The following PDE4DIP variants were observed in gnomAD, a reference collection of about 807,000 sequenced individuals.
PDE4DIP encodes phosphodiesterase 4D interacting protein.
PDE4DIP carries 59 observed loss-of-function variants against 221.4 expected under a neutral mutation model. The ratio of observed to expected loss-of-function variants is 0.27; its 90% CI spans 0.22 to 0.33. The LOEUF (loss-of-function observed/expected upper bound fraction) is 0.33, where lower values mean the gene tolerates loss of function less well. Among genes scored for constraint, PDE4DIP ranks in the 10% least tolerant of loss-of-function variants. PDE4DIP has a pLI of 1.00. For synonymous variants in PDE4DIP, 404 were observed against 815.9 expected (o/e 0.50, Z 8.60); for missense variants, 1,036 against 2,154.2 (o/e 0.48, Z 10.28).
intron 5 of PDE4DIP, chr1:148,953,180 G>A (rs371088224): frequency 5.6e-6 from 9 of 1,613,992 alleles, no homozygotes; most frequent in Non-Finnish European, 6.8e-6. Flanking sequence ...GGAGGACTTC[G>A]CCTATTCAGG....
At chr1:148,951,471 C>A (rs1441112881) in intron 5 of PDE4DIP, among the ~76,000 whole-genome samples, 1 of 152,108 alleles carries the variant, frequency 6.6e-6, no homozygotes, top group East Asian at 1.9e-4. Flanking sequence ...TGGTTTTCAC[C>A]GAAGTCAGTG....
At chr1:148,952,020 C>T (rs2053465389) in intron 5 of PDE4DIP, 8 of 1,001,682 alleles carry the variant, frequency 8.0e-6, no homozygotes, top group Non-Finnish European at 8.4e-6. Flanking sequence ...AGCGGCGCTG[C>T]CCCGCTGGCA....
chr1:149,013,059 TG>T (rs1306799646), intron 32 of PDE4DIP, among the ~76,000 whole-genome samples: 29 of 152,308 alleles, frequency 1.9e-4, no homozygotes, highest in African/African-American at 7.0e-4. Flanking sequence ...GCTGAATCCC[TG>T]ACAGACTGGT....
At chr1:148,956,326 T>C (rs587643828) in intron 5 of PDE4DIP, among the ~76,000 whole-genome samples, 1 of 152,190 alleles carries the variant, frequency 6.6e-6, no homozygotes, top group South Asian at 2.1e-4. Context: ...TTTTATGCAC[T>C]ATTAAATATT....
rs782587995 is a variant in PDE4DIP, at chr1:149,028,679, C to T, written c.6789C>T (p.His2263=). The T allele has an allele frequency of 3.1e-6, 5 of 1,597,914 alleles. No homozygotes were observed. In the Admixed American group the frequency reaches 5.0e-5, roughly 16 times the overall value. Reference sequence around the variant, plus strand: ...GGAGAGCGGCCCTGCCAAGCACCCACATCCCTGTGCTGCCTGGCAAAGTGG... The same window carrying T: ...GGAGAGCGGCCCTGCCAAGCACCCATATCCCTGTGCTGCCTGGCAAAGTGG... Residue 2263 remains histidine, a synonymous_variant, in exon 41 of 44, where the codon CAC becomes CAT. Transcript: ENST00000369354.
intron 4 of PDE4DIP, among the ~76,000 whole-genome samples, chr1:148,933,552 A>T (rs2048534158): frequency 6.6e-6 from 1 of 152,230 alleles, no homozygotes; most frequent in South Asian, 2.1e-4. Flanking sequence ...GTTCTGAAAT[A>T]GATAATTCAA....
In PDE4DIP at chr1:149,030,317, G is replaced by T. The variant is rs782326459; in HGVS notation, c.6999+39G>T. 9 of 1,551,356 alleles carry T rather than the reference G, an allele frequency of 5.8e-6. No individual in the cohort carries two copies. The South Asian group carries it at 9.5e-5, about 16-fold the overall frequency. Reference sequence around the variant, plus strand: ...TGCACCAGTCAGAGGCACCAAGCCTGTCCCCCACCCATCACCATCCGTTAG... The same window carrying T: ...TGCACCAGTCAGAGGCACCAAGCCTTTCCCCCACCCATCACCATCCGTTAG... On this transcript the variant is annotated intron_variant, in intron 43 of 43. Transcript: ENST00000369354.
chr1:148,893,067 G>GTGTC (rs1699280506), intron 1 of PDE4DIP, among the ~76,000 whole-genome samples: 1 of 20,422 alleles, frequency 4.9e-5, no homozygotes, highest in African/African-American at 2.1e-4. Flanking sequence ...GTGTGTGTCT[G>GTGTC]TGTGTGTGTG....
chr1:148,978,042 G>T (rs1410565958), exon 18 of PDE4DIP: 1 of 1,613,294 alleles, frequency 6.2e-7, no homozygotes, highest in Admixed American at 1.7e-5. Context: ...GATTAAAGAA[G>T]ATCTCATAAA....
intron 1 of PDE4DIP, among the ~76,000 whole-genome samples, chr1:148,905,185 T>G (rs1378765128): frequency 4.8e-5 from 7 of 145,934 alleles, no homozygotes; most frequent in African/African-American, 1.5e-4. Context: ...TAGGTTTTTT[T>G]TTTTTTTTTT....
In PDE4DIP at chr1:148,934,998, C is replaced by T. The variant is rs1201375455; in HGVS notation, c.518+2710C>T. On this transcript the variant is annotated intron_variant, in intron 4 of 43. Transcript: ENST00000369354. ...TAGCACTTTGGGAGGCCGAGGCGGG[C>T]GGATCACGAGATTAAGACCATCCTG... 1.5e-4 allele frequency among the ~76,000 whole-genome samples: 23 copies of T among 151,960 alleles called. No individual in the cohort carries two copies. The East Asian group carries it at 2.5e-3, about 17-fold the overall frequency.
intron 22 of PDE4DIP, among the ~76,000 whole-genome samples, chr1:148,996,559 T>A (rs1280002783): frequency 1.2e-4 from 19 of 152,194 alleles, no homozygotes; most frequent in Non-Finnish European, 2.1e-4. Flanking sequence ...AGTGGCTTTG[T>A]CTAAGGATCT....
At chr1:148,985,163 G>C (rs77915241) in intron 21 of PDE4DIP, 1 of 152,038 alleles carries the variant, frequency 6.6e-6, no homozygotes, top group Non-Finnish European at 1.5e-5. Context: ...TATTTTCTCT[G>C]AGTTCTCTCA....
At chr1:148,982,160 T>A (rs1553544071) in intron 21 of PDE4DIP, 2 of 152,248 alleles carry the variant, frequency 1.3e-5, no homozygotes, top group African/African-American at 4.8e-5. Flanking sequence ...CTACTTAAAA[T>A]TTGTTCTTTA....
chr1:148,960,728 T>A (rs2056720683), exon 6 of PDE4DIP: 1 of 534,748 alleles, frequency 1.9e-6, no homozygotes, highest in Non-Finnish European at 3.2e-6. Flanking sequence ...AGTCTGTATC[T>A]GATTCCCACT....
At chr1:148,927,114 C>G (rs1227771406) in intron 1 of PDE4DIP, among the ~76,000 whole-genome samples, 1 of 150,088 alleles carries the variant, frequency 6.7e-6, no homozygotes, top group East Asian at 1.9e-4. Flanking sequence ...TGTTGTTTAT[C>G]TGAAATTTAA....
intron 1 of PDE4DIP, among the ~76,000 whole-genome samples, chr1:148,918,622 T>TACACACACAC (rs57116412): frequency 1.8e-4 from 17 of 92,232 alleles, no homozygotes; most frequent in South Asian, 9.9e-4. Context: ...TCTCTCTCTC[T>TACACACACAC]ACACACACAC....
rs1162107070 is a variant in PDE4DIP at position 148,867,656 on chromosome 1, T to C, written c.290-815T>C. On this transcript the variant is annotated intron_variant, in intron 2 of 45. Coordinates refer to the PDE4DIP transcript ENST00000524974. The stretch of plus-strand genomic sequence containing the variant: ...GGGGTCAGCAGCAAACTACAGCCCA[T>C]GGGCCAACAGTCAGTTTTTATAAGT... Among the ~76,000 whole-genome samples the C allele has an allele frequency of 2.2e-5, 3 of 137,848 alleles. No individual in the cohort carries two copies. In the East Asian group the frequency reaches 6.4e-4, roughly 29 times the overall value. The allele number at this position is 137,848 out of a possible 152,430, so 90.4% of individuals were successfully genotyped here.
intron 5 of PDE4DIP, among the ~76,000 whole-genome samples, chr1:148,958,087 T>C (rs1320463437): frequency 7.1e-6 from 1 of 141,164 alleles, no homozygotes; most frequent in Admixed American, 7.0e-5. Context: ...ATAGTTCATA[T>C]TGCCTCAGGT....
Sources: allele counts gnomAD v4.1 joint callset (sites outside exome capture counted in the v4.1 genomes callset), GRCh38; gene constraint gnomAD v4.1.1; transcripts MANE v1.5; gene names NCBI Gene and HGNC (gene_info 2026-07-23, HGNC 2026-07-21).